The following NRBP2 variants were observed in gnomAD, a reference collection of about 807,000 sequenced individuals.
NRBP2 encodes nuclear receptor-binding protein 2.
A neutral mutation model predicts 74.4 loss-of-function variants in NRBP2; 47 were observed. The observed-to-expected ratio is 0.63, with a 90% CI of 0.50 to 0.81. The LOEUF is 0.81. Among genes scored for constraint, NRBP2 ranks in the 30% least tolerant of loss-of-function variants. The probability of loss-of-function intolerance (pLI) is 0.00; values close to 1 mark genes in which losing one functional copy is unlikely to be tolerated. For missense variants in NRBP2, 613 were observed against 690.1 expected (o/e 0.89, Z 1.25); for synonymous variants, 312 against 273.8 (o/e 1.14, Z -1.38).
Position 143,840,590 on chromosome 8 carries a change from C to A in NRBP2, c.129+116G>T. On this transcript the variant is annotated intron_variant, in intron 1 of 17. Coordinates refer to ENST00000442628, the MANE Select transcript of NRBP2 (RefSeq NM_178564.4). The surrounding 1 kb of genome is among the most constrained non-coding windows in gnomAD (Gnocchi z 5.7). Reference sequence around the variant, plus strand: ...GGCTGATTCGCGGGCCGCGAGGGGCCGCGGAGAGGTTTCCAGCCGCCGCGC... The same window carrying A: ...GGCTGATTCGCGGGCCGCGAGGGGCAGCGGAGAGGTTTCCAGCCGCCGCGC... 2 of 1,060,154 alleles carry A rather than the reference C, an allele frequency of 1.9e-6. No individual in the cohort carries two copies. The highest frequency in any genetic ancestry group is 2.6e-6 in the Non-Finnish European group (2 of 781,282). The allele number at this position is 1,060,154 out of a possible 1,614,324, so 65.7% of individuals were successfully genotyped here.
downstream of NRBP2, among the ~76,000 whole-genome samples, chr8:143,830,613 G>C (rs1818118266): frequency 6.6e-6 from 1 of 152,254 alleles, no homozygotes; most frequent in Non-Finnish European, 1.5e-5. Context: ...TAGGGGTAGA[G>C]TGTTGCCCAG....
At position 143,840,882 on chromosome 8, in the gene NRBP2, G is replaced by GCAGCCTCTCCCGGCC. The variant is rs1204271521; in HGVS notation, c.-63_-49dup. The stretch of plus-strand genomic sequence containing the variant: ...GCCCTCTGCGCGATCCGCCGCCGGC[G>GCAGCCTCTCCCGGCC]CAGCCTCTCCCGGCCCGCCCTGGCC... On this transcript the variant is annotated 5_prime_UTR_variant, in exon 1 of 18. Coordinates refer to ENST00000442628, the MANE Select transcript of NRBP2 (RefSeq NM_178564.4). The surrounding 1 kb of genome is among the most constrained non-coding windows in gnomAD (Gnocchi z 5.7). 2.8e-5 allele frequency: 36 copies of GCAGCCTCTCCCGGCC among 1,276,128 alleles called. No individual in the cohort carries two copies. In the African/African-American group the frequency reaches 4.9e-4, roughly 17 times the overall value. 79.1% of individuals were successfully genotyped at this position (1,276,128 alleles called of 1,614,324 possible).
rs111235139 is a variant in NRBP2, at chr8:143,836,048, C to T, written c.1318-18G>A. 4.0e-5 allele frequency: 62 copies of T among 1,562,318 alleles called. No homozygotes were observed. The highest frequency in any genetic ancestry group is 2.2e-4 in the South Asian group (18 of 83,610). On this transcript the variant is annotated intron_variant, in intron 15 of 17. Transcript: ENST00000442628. Reference sequence around the variant, plus strand: ...AGAGTGAGCTGGGGAGGCGGCGGGGCGTGGTCGGCTGGGGGTTCAGGGCTC... The same window carrying T: ...AGAGTGAGCTGGGGAGGCGGCGGGGTGTGGTCGGCTGGGGGTTCAGGGCTC...
Position 143,837,597 on chromosome 8 carries a change from AC to A in NRBP2, c.973+25del. On this transcript the variant is annotated intron_variant, in intron 11 of 17. Transcript: ENST00000442628. This position sits in a 1 kb window ranked among gnomAD's most constrained non-coding sequence, Gnocchi z 4.3. ...CGTCCCAACCTCCACCTCCCCAGCC[AC>A]CCCCCGGGCCGGCCTGCTGCTCACA... The A allele has an allele frequency of 6.3e-6, 10 of 1,593,732 alleles. No individual in the cohort carries two copies. Among genetic ancestry groups the A allele is most frequent in the Admixed American group, 3.5e-5 (2 of 57,080 alleles).
At position 143,839,728 on chromosome 8, in the gene NRBP2, C is replaced by G; in HGVS notation, c.444+8G>C. On this transcript the variant is annotated splice_region_variant and intron_variant, in intron 4 of 17. Coordinates refer to ENST00000442628, the MANE Select transcript of NRBP2 (RefSeq NM_178564.4). The surrounding 1 kb of genome is among the most constrained non-coding windows in gnomAD (Gnocchi z 5.1). ...GTCCCCGTGGCTGCCCCAGCCCGCT[C>G]CCCATACCCGGGCGTTCATGGCCTT... The G allele has an allele frequency of 6.5e-7, 1 of 1,535,746 alleles. No homozygotes were observed. Among genetic ancestry groups the G allele is most frequent in the East Asian group, 2.4e-5 (1 of 40,906 alleles).
At position 143,839,269 on chromosome 8, in the gene NRBP2, C is replaced by A; in HGVS notation, c.580+45G>T. The A allele has an allele frequency of 2.0e-6, 3 of 1,535,760 alleles. No individual in the cohort carries two copies. Among genetic ancestry groups the A allele is most frequent in the Non-Finnish European group, 2.6e-6 (3 of 1,146,748 alleles). On this transcript the variant is annotated intron_variant, in intron 6 of 17. Coordinates refer to ENST00000442628, the MANE Select transcript of NRBP2 (RefSeq NM_178564.4). The surrounding 1 kb of genome is among the most constrained non-coding windows in gnomAD (Gnocchi z 5.1). ...ACTCCTCTGCCCTTGGCTCCAGGCA[C>A]CTTCCCCTGCCCCGTTCCCCCACCC...
rs535945254 is a variant in NRBP2 at position 143,834,609 on chromosome 8, T to A, written c.*1053A>T. 11 of 152,398 alleles carry A rather than the reference T, an allele frequency of 7.2e-5. No homozygotes were observed. Among genetic ancestry groups the A allele is most frequent in the African/African-American group, 2.6e-4 (11 of 41,590 alleles). The allele number at this position is 152,398 out of a possible 1,614,324, so 9.4% of individuals were successfully genotyped here. On this transcript the variant is annotated 3_prime_UTR_variant, in exon 18 of 18. Coordinates refer to ENST00000442628, the MANE Select transcript of NRBP2 (RefSeq NM_178564.4). Reference sequence around the variant, plus strand: ...TAATACAGTGGTGTGCCTTCCTGGTTGACATTTGAAATGCGTTTAGAAAGG... The same window carrying A: ...TAATACAGTGGTGTGCCTTCCTGGTAGACATTTGAAATGCGTTTAGAAAGG...
chr8:143,836,081 C>A, intron 15 of NRBP2, 46 bp downstream of exon 15: 2 of 1,585,574 alleles, frequency 1.3e-6, no homozygotes, highest in Non-Finnish European at 1.7e-6. Flanking sequence ...CTCCGCCACG[C>A]TCCCGCCTTC....
rs1554653275 is a variant in NRBP2, at chr8:143,839,970, A to G, written c.313T>C (p.Leu105=). The change falls in exon 3 of 18, where the codon TTG becomes CTG. Residue 105 remains leucine (L), a synonymous_variant. Coordinates refer to ENST00000442628, the MANE Select transcript of NRBP2 (RefSeq NM_178564.4). This position sits in a 1 kb window ranked among gnomAD's most constrained non-coding sequence, Gnocchi z 5.1. The stretch of plus-strand genomic sequence containing the variant: ...GAGGTATCCAGCCAGTACTTGTGCA[A>G]CTTCACGATGTTCGGGTGGTCCACC... ...VLVDHPNIVK[L]HKYWLDTSEA... The G allele has an allele frequency of 1.3e-6, 2 of 1,536,176 alleles. No individual in the cohort carries two copies. The highest frequency in any genetic ancestry group is 1.7e-6 in the Non-Finnish European group (2 of 1,146,902).
downstream of NRBP2, chr8:143,833,498 A>G (rs1331687203): frequency 6.6e-6 from 1 of 152,144 alleles, no homozygotes; most frequent in Non-Finnish European, 1.5e-5. Flanking sequence ...AATGTAGAAA[A>G]ACGAATAAAC....
chr8:143,833,775 C>A lies in NRBP2; in HGVS notation c.*1887G>T, dbSNP rs1818249219. 1.3e-5 allele frequency: 2 copies of A among 152,102 alleles called. No individual in the cohort carries two copies. The highest frequency in any genetic ancestry group is 4.8e-5 in the African/African-American group (2 of 41,396). 9.4% of individuals were successfully genotyped at this position (152,102 alleles called of 1,614,324 possible). ...TTTAAGTTCAGTTTAATCAGTAGTA[C>A]AATGTTATGTATTTGCCACTGAAAC... On this transcript the variant is annotated 3_prime_UTR_variant, in exon 18 of 18. Transcript: ENST00000442628.
In NRBP2 at chr8:143,839,624, A is replaced by C; in HGVS notation, c.445-75T>G. On this transcript the variant is annotated intron_variant, in intron 4 of 17. Transcript: ENST00000442628. This position sits in a 1 kb window ranked among gnomAD's most constrained non-coding sequence, Gnocchi z 5.1. ...GCTGGGCCTGCGGAGCCCGCCCCGC[A>C]TCCTCGCCCAGCCCCTGTCCGAGGC... is the stretch of plus-strand genomic sequence containing the variant. 6.6e-7 allele frequency: 1 copy of C among 1,506,420 alleles called. No homozygotes were observed. 93.3% of individuals were successfully genotyped at this position (1,506,420 alleles called of 1,614,324 possible). A position where few individuals can be genotyped will look rare whatever the true frequency, so the allele number is the denominator to read the frequency against.
At position 143,835,722 on chromosome 8, in the gene NRBP2, C is replaced by T; in HGVS notation, c.1446G>A (p.Arg482=). 1.2e-6 allele frequency: 2 copies of T among 1,600,018 alleles called. No homozygotes were observed. The highest frequency in any genetic ancestry group is 1.7e-6 in the Non-Finnish European group (2 of 1,174,560). The part of the protein sequence containing the change: ...VHYGFLHEDD[R]MKLAAFLEST... ...TCTCCAGGAAGGCGGCCAGCTTCAT[C>T]CGGTCGTCCTGCGGAAGGAGGGAGG... The change falls in exon 18 of 18, where the codon CGG becomes CGA. Residue 482 remains arginine (R), a synonymous_variant. Coordinates refer to ENST00000442628, the MANE Select transcript of NRBP2 (RefSeq NM_178564.4). The surrounding 1 kb of genome is among the most constrained non-coding windows in gnomAD (Gnocchi z 4.9).
Position 143,840,021 on chromosome 8 carries a change from G to C in NRBP2, c.262C>G (p.Gln88Glu). 2 of 1,536,188 alleles carry C rather than the reference G, an allele frequency of 1.3e-6. No homozygotes were observed. The highest frequency in any genetic ancestry group is 1.7e-6 in the Non-Finnish European group (2 of 1,146,906). The change falls in exon 3 of 18, where the codon CAG becomes GAG. Residue 88 changes from glutamine (Q) to glutamate (E), a missense_variant. Transcript: ENST00000442628. The surrounding 1 kb of genome is among the most constrained non-coding windows in gnomAD (Gnocchi z 5.7). The part of the protein sequence containing the change: ...KAFAAHEEKI[Q>E]TVFEQLVLVD... ...AGCACCAGCTGCTCGAACACGGTCT[G>C]GATCTTCTCCTGGGGAGGGAGGGTG...
chr8:143,838,469 T>C lies in NRBP2; in HGVS notation c.840+211A>G, dbSNP rs570737325. ...CACAGAGGGAGGGTCTCTCTTGCCT[T>C]CTTGTCCTTAGAATGTGCTGACCCC... is the stretch of plus-strand genomic sequence containing the variant. On this transcript the variant is annotated intron_variant, in intron 10 of 17. Coordinates refer to ENST00000442628, the MANE Select transcript of NRBP2 (RefSeq NM_178564.4). Among the ~76,000 whole-genome samples the C allele has an allele frequency of 2.5e-4, 38 of 152,338 alleles. No individual in the cohort carries two copies. In the South Asian group the frequency reaches 7.9e-3, roughly 32 times the overall value.
Position 143,840,587 on chromosome 8 carries a change from G to GGCCGCGGAGAGGTTTCCAGCC in NRBP2, c.129+98_129+118dup, listed in dbSNP as rs1818649937. 9.7e-7 allele frequency: 1 copy of GGCCGCGGAGAGGTTTCCAGCC among 1,031,758 alleles called. No individual in the cohort carries two copies. Among genetic ancestry groups the GGCCGCGGAGAGGTTTCCAGCC allele is most frequent in the African/African-American group, 1.7e-5 (1 of 59,364 alleles). The allele number at this position is 1,031,758 out of a possible 1,614,324, so 63.9% of individuals were successfully genotyped here. ...GGTGGCTGATTCGCGGGCCGCGAGG[G>GGCCGCGGAGAGGTTTCCAGCC]GCCGCGGAGAGGTTTCCAGCCGCCG... On this transcript the variant is annotated intron_variant, in intron 1 of 17. Coordinates refer to ENST00000442628, the MANE Select transcript of NRBP2 (RefSeq NM_178564.4). This position sits in a 1 kb window ranked among gnomAD's most constrained non-coding sequence, Gnocchi z 5.7.
chr8:143,837,813 A>G lies in NRBP2; in HGVS notation c.841-58T>C, dbSNP rs1554652367. On this transcript the variant is annotated intron_variant, in intron 10 of 17. Transcript: ENST00000442628. The surrounding 1 kb of genome is among the most constrained non-coding windows in gnomAD (Gnocchi z 4.3). ...CAAGGGCTCTCTGCTCTGGCCCCGC[A>G]GTTCGAGGAGAGGTGGCCCCTGAGT... is the stretch of plus-strand genomic sequence containing the variant. 3 of 1,547,590 alleles carry G rather than the reference A, an allele frequency of 1.9e-6. No individual in the cohort carries two copies. In the South Asian group the frequency reaches 3.6e-5, roughly 18 times the overall value.
At chr8:143,831,545 CAGAAGGTGGAGGTT>C (rs1159550711), downstream of NRBP2, among the ~76,000 whole-genome samples, 1 of 152,218 alleles carries the variant, frequency 6.6e-6, no homozygotes, top group Non-Finnish European at 1.5e-5. Flanking sequence ...TGCTGGAGCC[CAGAAGGTGGAGGTT>C]GCAGTGCCCT....
In NRBP2 at chr8:143,839,674, AGTCCCCGAGGCTGCCCCAACCCCGTCCT is replaced by A; in HGVS notation, c.444+34_444+61del. On this transcript the variant is annotated intron_variant, in intron 4 of 17. Transcript: ENST00000442628. This position sits in a 1 kb window ranked among gnomAD's most constrained non-coding sequence, Gnocchi z 5.1. ...CCGCCGGGCACCCCCTCACCATCCC[AGTCCCCGAGGCTGCCCCAACCCCGTCCT>A]GTCCCCGTGGCTGCCCCAGCCCGCT... is the stretch of plus-strand genomic sequence containing the variant. 2.0e-6 allele frequency: 3 copies of A among 1,527,986 alleles called. No individual in the cohort carries two copies. Among genetic ancestry groups the A allele is most frequent in the Non-Finnish European group, 2.6e-6 (3 of 1,142,224 alleles). 94.7% of individuals were successfully genotyped at this position (1,527,986 alleles called of 1,614,324 possible).
Sources: allele counts gnomAD v4.1 joint callset (sites outside exome capture counted in the v4.1 genomes callset), GRCh38; gene constraint gnomAD v4.1.1; non-coding constraint Gnocchi (gnomAD v3.1); transcripts MANE v1.5; gene names NCBI Gene and HGNC (gene_info 2026-07-23, HGNC 2026-07-21).